OXNAD1: variants seen among roughly 807,000 people sequenced by gnomAD.
The protein encoded by OXNAD1 is oxidoreductase NAD binding domain containing 1, also known as oxidoreductase NAD-binding domain-containing protein 1.
A neutral mutation model predicts 32.9 loss-of-function variants in OXNAD1; 34 were observed. The observed-to-expected ratio is 1.03, with a 90% CI of 0.79 to 1.38. OXNAD1 has a LOEUF of 1.38. OXNAD1 is among the 40% of genes most tolerant of loss of function. OXNAD1 has a pLI of 0.00. For missense variants in OXNAD1, 407 were observed against 379.4 expected (o/e 1.07, Z -0.60); for synonymous variants, 134 against 135.2 (o/e 0.99, Z 0.06).
At position 16,319,550 on chromosome 3, in the gene OXNAD1, A is replaced by G. The variant is rs145037026; in HGVS notation, c.*30+15958A>G. On this transcript the variant is annotated intron_variant, in intron 9 of 9. Transcript: ENST00000435829. ...GTTGTGCAGTGTACAACTGAGGACA[A>G]TTCCACCACGTGCTAGACCTTCCAT... Among the ~76,000 whole-genome samples, 227 of 152,276 alleles carry G rather than the reference A, an allele frequency of 1.5e-3. 2 individuals carry two copies. The highest frequency in any genetic ancestry group is 0.012 in the South Asian group (59 of 4,824).
rs1167076040 is a variant in OXNAD1, at chr3:16,298,439, CT to C, written c.433-3185del. Among the ~76,000 whole-genome samples the C allele has an allele frequency of 6.6e-6, 1 of 152,146 alleles. No individual in the cohort carries two copies. The highest frequency in any genetic ancestry group is 2.4e-5 in the African/African-American group (1 of 41,442). The stretch of plus-strand genomic sequence containing the variant: ...TGGCATTTCAGTGAAGAAACTTATT[CT>C]TACAGGCTGTAGAAAATCTCAAAGT... On this transcript the variant is annotated intron_variant, in intron 6 of 8. Coordinates refer to ENST00000285083, the MANE Select transcript of OXNAD1 (RefSeq NM_138381.5). The surrounding 1 kb of genome is among the most constrained non-coding windows in gnomAD (Gnocchi z 5.1).
rs554929151 is a variant in OXNAD1, at chr3:16,323,469, G to A, written c.*31-13643G>A. 29 of 1,606,110 alleles carry A rather than the reference G, an allele frequency of 1.8e-5. No individual in the cohort carries two copies. In the Admixed American group the frequency reaches 2.3e-4, roughly 13 times the overall value. ...ATACACTCCCCTCGCTGTAACACAC[G>A]GAGCTGAGAATGAGCCACTTTATGC... On this transcript the variant is annotated intron_variant, in intron 9 of 9. Transcript: ENST00000435829.
At position 16,265,782 on chromosome 3, in the gene OXNAD1, G is replaced by C; in HGVS notation, c.-159+277G>C. On this transcript the variant is annotated intron_variant, in intron 1 of 8. Transcript: ENST00000285083. This position sits in a 1 kb window ranked among gnomAD's most constrained non-coding sequence, Gnocchi z 4.8. Reference sequence around the variant, plus strand: ...TTTAAACTGAGGTACAGAGAGTTGGGCATCTTGACTAAAATCATACACCTG... The same window carrying C: ...TTTAAACTGAGGTACAGAGAGTTGGCCATCTTGACTAAAATCATACACCTG... 1.3e-6 allele frequency: 1 copy of C among 768,092 alleles called. No individual in the cohort carries two copies. The highest frequency in any genetic ancestry group is 5.9e-5 in the South Asian group (1 of 16,868). 47.6% of individuals were successfully genotyped at this position (768,092 alleles called of 1,614,324 possible).
intron 9 of OXNAD1, among the ~76,000 whole-genome samples, chr3:16,319,546 G>T (rs957445802): frequency 5.3e-5 from 8 of 152,274 alleles, no homozygotes; most frequent in Non-Finnish European, 1.2e-4. Flanking sequence ...TACAACTGAG[G>T]ACAATTCCAC....
At chr3:16,311,843 A>G (rs772942494) in intron 9 of OXNAD1, among the ~76,000 whole-genome samples, 30 of 152,148 alleles carry the variant, frequency 2.0e-4, no homozygotes, top group Non-Finnish European at 4.0e-4. Context: ...GCCTTACAAC[A>G]AGGACCAGAA....
At chr3:16,308,587 C>T (rs2067735614), downstream of OXNAD1, among the ~76,000 whole-genome samples, 1 of 152,152 alleles carries the variant, frequency 6.6e-6, no homozygotes, top group Non-Finnish European at 1.5e-5. This position sits in a 1 kb window ranked among gnomAD's most constrained non-coding sequence, Gnocchi z 4.4. Context: ...ATACTGTTCT[C>T]ATCTTAAACA....
Position 16,348,410 on chromosome 3 carries a change from C to T in OXNAD1, c.*31-766C>T, listed in dbSNP as rs895202599. On this transcript the variant is annotated intron_variant, in intron 9 of 9. Coordinates refer to the OXNAD1 transcript ENST00000606098. The surrounding 1 kb of genome is among the most constrained non-coding windows in gnomAD (Gnocchi z 6.3). ...CCTTCTCTTCCAGCTGGCCTCTGCT[C>T]CTGTCACTTCCCACAGCAGGAAGCC... Among the ~76,000 whole-genome samples, 1 of 152,134 alleles carries T rather than the reference C, an allele frequency of 6.6e-6. No individual in the cohort carries two copies. Among genetic ancestry groups the T allele is most frequent in the Non-Finnish European group, 1.5e-5 (1 of 68,018 alleles).
intron 4 of OXNAD1, chr3:16,272,073 G>GT (rs1410913349): frequency 9.4e-6 from 4 of 427,596 alleles, no homozygotes; most frequent in East Asian, 6.4e-5. Flanking sequence ...ACCTTTCTCT[G>GT]TTTTTTTGTG....
At position 16,344,541 on chromosome 3, in the gene OXNAD1, C is replaced by T. The variant is rs2071515916; in HGVS notation, c.*31-4635C>T. 6.6e-6 allele frequency among the ~76,000 whole-genome samples: 1 copy of T among 152,208 alleles called. No individual in the cohort carries two copies. The highest frequency in any genetic ancestry group is 2.4e-5 in the African/African-American group (1 of 41,530). ...TGCTTTATGTGGAGCCCAAGAGCATCCATGTTCTTATTCTTAGATCCCAAG... is the reference window on the plus strand; with the variant it reads ...TGCTTTATGTGGAGCCCAAGAGCATTCATGTTCTTATTCTTAGATCCCAAG... On this transcript the variant is annotated intron_variant, in intron 9 of 9. Transcript: ENST00000606098. The surrounding 1 kb of genome is among the most constrained non-coding windows in gnomAD (Gnocchi z 4.4).
At chr3:16,270,916 T>C in intron 2 of OXNAD1, 29 bp from the exon 3 acceptor site, 4 of 1,613,222 alleles carry the variant, frequency 2.5e-6, no homozygotes, top group Non-Finnish European at 3.4e-6. Context: ...AAAAAAACAA[T>C]TTGAAATTTC....
At chr3:16,267,773 T>C (rs921664270) in intron 1 of OXNAD1, among the ~76,000 whole-genome samples, 27 of 152,250 alleles carry the variant, frequency 1.8e-4, no homozygotes, top group African/African-American at 6.0e-4. Flanking sequence ...GGCAAGGGCC[T>C]TGCGTCTGGT....
Position 16,335,110 on chromosome 3 carries a change from C to A in OXNAD1, c.*31-2002C>A, listed in dbSNP as rs2070721228. ...GACTTCTGACTCAACAAATGTAAGA[C>A]AATAAACTTGCGTTGTTTTAAGTCA... On this transcript the variant is annotated intron_variant, in intron 9 of 9. Transcript: ENST00000435829. The surrounding 1 kb of genome is among the most constrained non-coding windows in gnomAD (Gnocchi z 4.7). 6.6e-6 allele frequency among the ~76,000 whole-genome samples: 1 copy of A among 152,232 alleles called. No homozygotes were observed. The highest frequency in any genetic ancestry group is 1.5e-5 in the Non-Finnish European group (1 of 68,048).
rs1261407052 is a variant in OXNAD1, at chr3:16,337,273, T to C, written c.*192T>C. The C allele has an allele frequency of 6.6e-6, 1 of 152,206 alleles. No homozygotes were observed. The highest frequency in any genetic ancestry group is 1.9e-4 in the East Asian group (1 of 5,202). The allele number at this position is 152,206 out of a possible 1,614,324, so 9.4% of individuals were successfully genotyped here. A position where few individuals can be genotyped will look rare whatever the true frequency, so the allele number is the denominator to read the frequency against. On this transcript the variant is annotated 3_prime_UTR_variant, in exon 10 of 10. Transcript: ENST00000435829. The surrounding 1 kb of genome is among the most constrained non-coding windows in gnomAD (Gnocchi z 5.0). ...CACATGCTGAGATTAGTCGATTTCC[T>C]AAAAGTTGAAGGAAAAATCACCCAG...
chr3:16,323,354 G>A, intron 9 of OXNAD1: 1 of 1,557,488 alleles, frequency 6.4e-7, no homozygotes, highest in Non-Finnish European at 8.9e-7. Context: ...GAAAACCTAG[G>A]AAGGCCATCA....
chr3:16,285,819 C>A (rs1575096963), intron 4 of OXNAD1, among the ~76,000 whole-genome samples: 1 of 152,206 alleles, frequency 6.6e-6, no homozygotes, highest in Non-Finnish European at 1.5e-5. Context: ...TTACTAGACT[C>A]AATAGGCACA....
At chr3:16,343,889 T>TA (rs1197451658) in intron 9 of OXNAD1, among the ~76,000 whole-genome samples, 1 of 152,154 alleles carries the variant, frequency 6.6e-6, no homozygotes, top group African/African-American at 2.4e-5. Context: ...AGCCAGCTGA[T>TA]AGTCTTATAG....
intron 6 of OXNAD1, 76 bp downstream of exon 6, chr3:16,295,073 A>G: frequency 6.8e-7 from 1 of 1,466,950 alleles, no homozygotes; most frequent in Non-Finnish European, 9.1e-7. Context: ...AGCTCATTTG[A>G]TTCACCTAAG....
At position 16,270,878 on chromosome 3, in the gene OXNAD1, TAA is replaced by T. The variant is rs1029193217; in HGVS notation, c.-8-64_-8-63del. Reference sequence around the variant, plus strand: ...TCCACACTCTTCCTCACTGACCCTCTAAAATAGTCTGATATTTCCCCACTTTT... The same window carrying T: ...TCCACACTCTTCCTCACTGACCCTCTAATAGTCTGATATTTCCCCACTTTT... On this transcript the variant is annotated intron_variant, in intron 2 of 8. Transcript: ENST00000285083. 5 of 1,601,158 alleles carry T rather than the reference TAA, an allele frequency of 3.1e-6. No individual in the cohort carries two copies. The Admixed American group carries it at 8.4e-5, about 27-fold the overall frequency.
Position 16,317,375 on chromosome 3 carries a change from C to G in OXNAD1, c.*30+13783C>G, listed in dbSNP as rs140507714. On this transcript the variant is annotated intron_variant, in intron 9 of 9. Transcript: ENST00000435829. This position sits in a 1 kb window ranked among gnomAD's most constrained non-coding sequence, Gnocchi z 4.3. ...ATCCCCCAGCCAGGCAGTACAGGCA[C>G]CAAACTTGAATCGCACACTATCACA... 2.5e-6 allele frequency: 2 copies of G among 813,990 alleles called. No homozygotes were observed. The highest frequency in any genetic ancestry group is 5.4e-5 in the East Asian group (2 of 37,244). The allele number at this position is 813,990 out of a possible 1,614,324, so 50.4% of individuals were successfully genotyped here.
Sources: gnomAD v4.1 joint callset for allele counts (sites outside exome capture counted in the v4.1 genomes callset) on GRCh38, gnomAD v4.1.1 for gene constraint, Gnocchi (gnomAD v3.1) non-coding constraint, MANE v1.5 for transcripts, NCBI Gene and HGNC (gene_info 2026-07-23, HGNC 2026-07-21) for gene names.